MOB1A: variants seen among roughly 807,000 people sequenced by gnomAD.
MOB1A encodes the protein MOB1 Mps One Binder homolog A.
MOB1A carries 10 observed loss-of-function variants against 25.1 expected under a neutral mutation model. That is an observed-to-expected ratio of 0.40 (90% CI 0.25 to 0.68). The LOEUF (loss-of-function observed/expected upper bound fraction) is 0.68. Among genes scored for constraint, MOB1A ranks in the 30% least tolerant of loss-of-function variants. The pLI is 0.40. For synonymous variants in MOB1A, 81 were observed against 79.5 expected (o/e 1.02, Z -0.10); for missense variants, 177 against 256.3 (o/e 0.69, Z 2.11).
chr2:74,176,757 C>A (rs1693484269), intron 1 of MOB1A, among the ~76,000 whole-genome samples: 1 of 139,918 alleles, frequency 7.1e-6, no homozygotes, highest in Non-Finnish European at 1.5e-5. Flanking sequence ...GAGCAAGACT[C>A]TGTCTCAAAA....
intron 4 of MOB1A, among the ~76,000 whole-genome samples, chr2:74,162,389 G>A (rs897304955): frequency 1.3e-5 from 2 of 152,116 alleles, no homozygotes; most frequent in Admixed American, 6.5e-5. Context: ...GCTGAGGCAC[G>A]AGAATCGCTT....
At chr2:74,170,236 G>A (rs1693249063) in intron 2 of MOB1A, among the ~76,000 whole-genome samples, 1 of 151,178 alleles carries the variant, frequency 6.6e-6, no homozygotes, top group South Asian at 2.1e-4. Context: ...CCACCTCCCG[G>A]GAAGTGATTC....
Position 74,156,452 on chromosome 2 carries a change from G to A in MOB1A, c.*116C>T. The A allele has an allele frequency of 1.2e-6, 1 of 810,620 alleles. No individual in the cohort carries two copies. Among genetic ancestry groups the A allele is most frequent in the Non-Finnish European group, 2.0e-6 (1 of 489,190 alleles). 50.2% of individuals were successfully genotyped at this position (810,620 alleles called of 1,614,324 possible). A position where few individuals can be genotyped will look rare whatever the true frequency, so the allele number is the denominator to read the frequency against. On this transcript the variant is annotated 3_prime_UTR_variant, in exon 6 of 6. Transcript: ENST00000396049. ...AATTTTATCAGTAGACACAGGCAAT[G>A]GGTATCTTTTTATCCTGTTTTCTTA...
At chr2:74,173,711 G>A (rs1693367101) in intron 1 of MOB1A, among the ~76,000 whole-genome samples, 1 of 151,244 alleles carries the variant, frequency 6.6e-6, no homozygotes, top group East Asian at 2.0e-4. Context: ...AGCACTTTGG[G>A]AGGCCGAGAC....
At chr2:74,165,457 T>A in intron 3 of MOB1A, 106 bp from the exon 4 acceptor site, 1 of 591,764 alleles carries the variant, frequency 1.7e-6, no homozygotes, top group Non-Finnish European at 2.7e-6. Flanking sequence ...AAGTTACATC[T>A]AACTTTAATA....
chr2:74,176,491 G>A (rs914104408), intron 1 of MOB1A, among the ~76,000 whole-genome samples: 10 of 152,014 alleles, frequency 6.6e-5, no homozygotes, highest in South Asian at 2.1e-4. Flanking sequence ...AAGGCCGGGC[G>A]CAGTGGCTCA....
At chr2:74,174,391 T>C (rs1693392457) in intron 1 of MOB1A, among the ~76,000 whole-genome samples, 1 of 151,076 alleles carries the variant, frequency 6.6e-6, no homozygotes, top group Non-Finnish European at 1.5e-5. Context: ...AGCCCAGGAG[T>C]TTGAGACCAG....
intron 2 of MOB1A, among the ~76,000 whole-genome samples, chr2:74,170,414 G>A (rs1018897998): frequency 6.6e-6 from 1 of 152,142 alleles, no homozygotes; most frequent in African/African-American, 2.4e-5. Flanking sequence ...TGGGATTACA[G>A]GCGTGAGCCA....
chr2:74,175,643 A>T (rs1390855944), intron 1 of MOB1A, among the ~76,000 whole-genome samples: 2 of 152,182 alleles, frequency 1.3e-5, no homozygotes, highest in Non-Finnish European at 2.9e-5. Flanking sequence ...TAATAGGGAG[A>T]AACCTAGAAG....
chr2:74,173,974 A>T (rs549361838), intron 1 of MOB1A, among the ~76,000 whole-genome samples: 1 of 147,126 alleles, frequency 6.8e-6, no homozygotes, highest in Non-Finnish European at 1.5e-5. Flanking sequence ...AAAAAAGAAA[A>T]TGATGGGGCC....
chr2:74,172,179 G>A (rs1693312448), intron 2 of MOB1A, among the ~76,000 whole-genome samples: 1 of 152,106 alleles, frequency 6.6e-6, no homozygotes, highest in Non-Finnish European at 1.5e-5. Context: ...ACAATCAACT[G>A]TCCATATGAA....
chr2:74,166,305 A>G (rs1693126934), intron 3 of MOB1A, among the ~76,000 whole-genome samples: 3 of 152,224 alleles, frequency 2.0e-5, no homozygotes, highest in Non-Finnish European at 4.4e-5. Context: ...AAATAAGCAC[A>G]AGAAAAAATA....
chr2:74,173,382 T>TC (rs1558838831), intron 1 of MOB1A, among the ~76,000 whole-genome samples: 2 of 140,838 alleles, frequency 1.4e-5, no homozygotes, highest in Non-Finnish European at 3.1e-5. Context: ...TTCGGTTTTT[T>TC]TTTTTTTTTT....
chr2:74,153,996 C>T lies in MOB1A; in HGVS notation c.*2572G>A, dbSNP rs1692730648. 1 of 151,990 alleles carries T rather than the reference C, an allele frequency of 6.6e-6. No individual in the cohort carries two copies. Among genetic ancestry groups the T allele is most frequent in the Non-Finnish European group, 1.5e-5 (1 of 68,036 alleles). The allele number at this position is 151,990 out of a possible 1,614,324, so 9.4% of individuals were successfully genotyped here. A position where few individuals can be genotyped will look rare whatever the true frequency, so the allele number is the denominator to read the frequency against. ...CTAACACGGTGAAACCCCATCTCTA[C>T]TAAAAATACAAAAAATTAGCCAGGC... On this transcript the variant is annotated 3_prime_UTR_variant, in exon 6 of 6. Transcript: ENST00000396049.
chr2:74,160,781 C>G (rs896387024), intron 4 of MOB1A, among the ~76,000 whole-genome samples: 1 of 152,074 alleles, frequency 6.6e-6, no homozygotes, highest in Non-Finnish European at 1.5e-5. Context: ...GGGGATCCAA[C>G]TGGTTACATT....
Position 74,152,906 on chromosome 2 carries a change from G to A in MOB1A, c.*3662C>T, listed in dbSNP as rs1692696731. ...TCTGATAATGAGAGAAAACTCAAAT[G>A]AATGTCAGTGCAGTTGCTTCAAAAA... On this transcript the variant is annotated 3_prime_UTR_variant, in exon 6 of 6. Coordinates refer to ENST00000396049, the MANE Select transcript of MOB1A (RefSeq NM_018221.5). 1.3e-5 allele frequency: 2 copies of A among 152,190 alleles called. No individual in the cohort carries two copies. The highest frequency in any genetic ancestry group is 4.8e-5 in the African/African-American group (2 of 41,446). 9.4% of individuals were successfully genotyped at this position (152,190 alleles called of 1,614,324 possible). A position where few individuals can be genotyped will look rare whatever the true frequency, so the allele number is the denominator to read the frequency against.
Position 74,155,858 on chromosome 2 carries a change from ACTC to A in MOB1A, c.*707_*709del, listed in dbSNP as rs2103682826. The A allele has an allele frequency of 6.6e-6, 1 of 152,342 alleles. No individual in the cohort carries two copies. The highest frequency in any genetic ancestry group is 2.4e-5 in the African/African-American group (1 of 41,562). The allele number at this position is 152,342 out of a possible 1,614,324, so 9.4% of individuals were successfully genotyped here. A position where few individuals can be genotyped will look rare whatever the true frequency, so the allele number is the denominator to read the frequency against. On this transcript the variant is annotated 3_prime_UTR_variant, in exon 6 of 6. Coordinates refer to ENST00000396049, the MANE Select transcript of MOB1A (RefSeq NM_018221.5). The stretch of plus-strand genomic sequence containing the variant: ...TTAAAAAATTACTTCTGATACACAC[ACTC>A]CTAATAATTTAGATAGATATGAAAA...
Position 74,156,507 on chromosome 2 carries a change from G to T in MOB1A, c.*61C>A. The T allele has an allele frequency of 8.5e-7, 1 of 1,174,366 alleles. No homozygotes were observed. The highest frequency in any genetic ancestry group is 1.2e-6 in the Non-Finnish European group (1 of 804,132). 72.7% of individuals were successfully genotyped at this position (1,174,366 alleles called of 1,614,324 possible). Reference sequence around the variant, plus strand: ...TTGTATCACTAGTCTATAACAGATAGCAATGAGATAGTTCTAGCAATAGAT... The same window carrying T: ...TTGTATCACTAGTCTATAACAGATATCAATGAGATAGTTCTAGCAATAGAT... On this transcript the variant is annotated 3_prime_UTR_variant, in exon 6 of 6. Coordinates refer to ENST00000396049, the MANE Select transcript of MOB1A (RefSeq NM_018221.5).
chr2:74,176,637 G>A (rs1051066525), intron 1 of MOB1A, among the ~76,000 whole-genome samples: 5 of 151,794 alleles, frequency 3.3e-5, no homozygotes, highest in South Asian at 2.1e-4. Flanking sequence ...GGTGGCAGGC[G>A]CCTGTAGTCC....
Sources: allele counts gnomAD v4.1 joint callset (sites outside exome capture counted in the v4.1 genomes callset), GRCh38; gene constraint gnomAD v4.1.1; transcripts MANE v1.5; gene names NCBI Gene and HGNC (gene_info 2026-07-23, HGNC 2026-07-21).